The following FANCC variants were observed in gnomAD, a reference collection of about 807,000 sequenced individuals.
The protein encoded by FANCC is Fanconi anemia group C protein.
FANCC carries 55 observed loss-of-function variants against 71.3 expected under a neutral mutation model. The ratio of observed to expected loss-of-function variants is 0.77; its 90% CI spans 0.62 to 0.97. The LOEUF (loss-of-function observed/expected upper bound fraction) is 0.97. Ranked by LOEUF, FANCC falls within the 50% of genes least tolerant of loss-of-function variation. FANCC has a pLI of 0.00. For synonymous variants in FANCC, 275 were observed against 244.9 expected (o/e 1.12, Z -1.15); for missense variants, 678 against 670.9 (o/e 1.01, Z -0.12).
At chr9:95,153,817 T>G (rs1340062207) in intron 6 of FANCC, among the ~76,000 whole-genome samples, 3 of 152,244 alleles carry the variant, frequency 2.0e-5, no homozygotes, top group Admixed American at 2.0e-4. Context: ...TTATTCAAAG[T>G]TAATCAAAAT....
rs2071051992 is a variant in FANCC, at chr9:95,100,936, A to ATTCT, written c.*767_*770dup. 4.3e-6 allele frequency: 1 copy of ATTCT among 233,190 alleles called. No individual in the cohort carries two copies. Among genetic ancestry groups the ATTCT allele is most frequent in the Non-Finnish European group, 8.5e-6 (1 of 117,992 alleles). The allele number at this position is 233,190 out of a possible 1,614,324, so 14.4% of individuals were successfully genotyped here. A position where few individuals can be genotyped will look rare whatever the true frequency, so the allele number is the denominator to read the frequency against. The stretch of plus-strand genomic sequence containing the variant: ...TGAGCCACTGCACCCAGCCAGGCCA[A>ATTCT]TTCTTTATCAGGAATTTCCAATTCC... On this transcript the variant is annotated 3_prime_UTR_variant, in exon 15 of 15. Transcript: ENST00000289081.
At chr9:95,254,168 T>C (rs886662631) in intron 1 of FANCC, among the ~76,000 whole-genome samples, 1 of 152,262 alleles carries the variant, frequency 6.6e-6, no homozygotes, top group African/African-American at 2.4e-5. Context: ...CTGACCTGTG[T>C]GGCAATGACT....
intron 1 of FANCC, among the ~76,000 whole-genome samples, chr9:95,261,906 TGGGATAAAGTACCAA>T (rs938705859): frequency 5.3e-5 from 8 of 152,066 alleles, no homozygotes; most frequent in Non-Finnish European, 8.8e-5. Flanking sequence ...GGTGAGGGGC[TGGGATAAAGTACCAA>T]GGGAAACCAG....
rs878853668 is a variant in FANCC, at chr9:95,111,622, G to A, written c.1170C>T (p.Pro390=). The A allele has an allele frequency of 6.2e-7, 1 of 1,614,166 alleles. No individual in the cohort carries two copies. Among genetic ancestry groups the A allele is most frequent in the Non-Finnish European group, 8.5e-7 (1 of 1,180,046 alleles). Residue 390 remains proline (P), a synonymous_variant, in exon 13 of 15, where the codon CCC becomes CCT. Transcript: ENST00000289081. The stretch of plus-strand genomic sequence containing the variant: ...GAATGAACAGGAACCAGCTCTCAAA[G>A]GGACCTCCGCAGGACCTGGAACAGA... ...EDQTHGSCGG[P]FESWFLFIHF...
intron 11 of FANCC, among the ~76,000 whole-genome samples, chr9:95,114,979 G>C (rs950975511): frequency 2.2e-4 from 33 of 152,130 alleles, no homozygotes; most frequent in African/African-American, 8.0e-4. Context: ...ATCTTGCTTG[G>C]TCAGAGGCTG....
chr9:95,235,695 T>C (rs1488597206), intron 4 of FANCC, among the ~76,000 whole-genome samples: 2 of 151,116 alleles, frequency 1.3e-5, no homozygotes, highest in African/African-American at 2.4e-5. Context: ...AAATACAAAA[T>C]TGGCTGGGTG....
chr9:95,132,259 C>T (rs549759252), intron 8 of FANCC, among the ~76,000 whole-genome samples: 2 of 152,228 alleles, frequency 1.3e-5, no homozygotes, highest in Non-Finnish European at 2.9e-5. Flanking sequence ...ACCCTGCAGA[C>T]ACTTTTCATT....
intron 1 of FANCC, among the ~76,000 whole-genome samples, chr9:95,307,264 G>C (rs1835123339): frequency 6.6e-6 from 1 of 152,054 alleles, no homozygotes; most frequent in African/African-American, 2.4e-5. Flanking sequence ...AATTTGGAAA[G>C]TACAAAGCAC....
intron 10 of FANCC, among the ~76,000 whole-genome samples, chr9:95,119,278 G>A (rs1206466176): frequency 1.3e-5 from 2 of 151,900 alleles, no homozygotes; most frequent in African/African-American, 4.8e-5. Flanking sequence ...ATATATTCTC[G>A]ACACAAGTCC....
chr9:95,314,905 T>G (rs1193823928), intron 1 of FANCC, among the ~76,000 whole-genome samples: 5 of 152,068 alleles, frequency 3.3e-5, no homozygotes, highest in Non-Finnish European at 7.4e-5. Context: ...TAAATGCAAT[T>G]CCTACAAAGT....
At chr9:95,232,352 G>C (rs892996230) in intron 4 of FANCC, among the ~76,000 whole-genome samples, 3 of 152,104 alleles carry the variant, frequency 2.0e-5, no homozygotes, top group African/African-American at 4.8e-5. Context: ...CCATATCAGT[G>C]ACAAACATAT....
At chr9:95,268,584 G>A (rs1832533970) in intron 1 of FANCC, among the ~76,000 whole-genome samples, 1 of 152,106 alleles carries the variant, frequency 6.6e-6, no homozygotes, top group African/African-American at 2.4e-5. Flanking sequence ...TGAGTTATGT[G>A]GAAAGGAACT....
intron 8 of FANCC, among the ~76,000 whole-genome samples, chr9:95,133,377 T>G (rs933183083): frequency 1.3e-5 from 2 of 152,250 alleles, no homozygotes; most frequent in Admixed American, 6.5e-5. Flanking sequence ...AGAATCCCCC[T>G]TTAGCCATAA....
At chr9:95,309,255 G>C (rs573516512) in intron 1 of FANCC, among the ~76,000 whole-genome samples, 1 of 152,210 alleles carries the variant, frequency 6.6e-6, no homozygotes, top group Admixed American at 6.5e-5. Flanking sequence ...AGAAACACAA[G>C]ATACTCTTCT....
intron 12 of FANCC, among the ~76,000 whole-genome samples, chr9:95,112,486 G>C (rs2072026374): frequency 6.6e-6 from 1 of 152,194 alleles, no homozygotes; most frequent in Non-Finnish European, 1.5e-5. Flanking sequence ...AGAACAAGTG[G>C]TTAAATGTTC....
chr9:95,271,447 G>A (rs898791866), intron 1 of FANCC, among the ~76,000 whole-genome samples: 2 of 152,170 alleles, frequency 1.3e-5, no homozygotes, highest in Non-Finnish European at 2.9e-5. Context: ...GCAGCAAAGT[G>A]AAGACAGAAG....
chr9:95,199,543 C>T (rs1003925179), intron 4 of FANCC, among the ~76,000 whole-genome samples: 1 of 152,196 alleles, frequency 6.6e-6, no homozygotes, highest in Non-Finnish European at 1.5e-5. Flanking sequence ...CGTGGTCTCT[C>T]GGTCTAAGGA....
At chr9:95,170,644 G>A (rs1314434776) in intron 6 of FANCC, among the ~76,000 whole-genome samples, 1 of 137,340 alleles carries the variant, frequency 7.3e-6, no homozygotes, top group Non-Finnish European at 1.7e-5. Flanking sequence ...TATCGTGTGT[G>A]TGTGTGTGTG....
rs1367065362 is a variant in FANCC, at chr9:95,206,261, C to T, written c.346-34114G>A. ...AAAATCCTGAAAAGCCTGTGGAATGCTGTTTACTTGTGCTCTTGCAACGGG... is the reference window on the plus strand; with the variant it reads ...AAAATCCTGAAAAGCCTGTGGAATGTTGTTTACTTGTGCTCTTGCAACGGG... On this transcript the variant is annotated intron_variant, in intron 4 of 14. Transcript: ENST00000289081. Among the ~76,000 whole-genome samples the T allele has an allele frequency of 2.0e-5, 3 of 152,162 alleles. No homozygotes were observed. In the East Asian group the frequency reaches 5.8e-4, roughly 29 times the overall value.
Sources: allele counts gnomAD v4.1 joint callset (sites outside exome capture counted in the v4.1 genomes callset), GRCh38; gene constraint gnomAD v4.1.1; transcripts MANE v1.5; gene names NCBI Gene and HGNC (gene_info 2026-07-23, HGNC 2026-07-21).